The following GPC5 variants were observed in gnomAD, a reference collection of about 807,000 sequenced individuals.
GPC5 encodes glypican 5, also known as glypican-5.
A neutral mutation model predicts 53.9 loss-of-function variants in GPC5; 47 were observed. The ratio of observed to expected loss-of-function variants is 0.87; its 90% CI spans 0.69 to 1.11. GPC5 has a LOEUF of 1.11. GPC5 is among the 50% of genes most tolerant of loss of function. The probability of loss-of-function intolerance (pLI) is 0.00; values close to 1 mark genes in which losing one functional copy is unlikely to be tolerated. For synonymous variants in GPC5, 286 were observed against 263.3 expected, an observed-to-expected ratio of 1.09 and a Z score of -0.84; for missense variants, 748 against 713.1, an observed-to-expected ratio of 1.05 and a Z score of -0.56.
At chr13:92,618,278 T>C (rs1884763263) in intron 7 of GPC5, among the ~76,000 whole-genome samples, 1 of 152,126 alleles carries the variant, frequency 6.6e-6, no homozygotes, top group Admixed American at 6.6e-5. Flanking sequence ...TTTCCTACAA[T>C]TGGTTGTCAT....
intron 7 of GPC5, among the ~76,000 whole-genome samples, chr13:92,266,308 A>T (rs1343815360): frequency 6.6e-6 from 1 of 151,936 alleles, no homozygotes; most frequent in Non-Finnish European, 1.5e-5. Context: ...AGATTTTTAG[A>T]TTTTTAAATC....
intron 7 of GPC5, among the ~76,000 whole-genome samples, chr13:92,660,569 TA>T (rs1002517895): frequency 9.3e-5 from 13 of 140,476 alleles, no homozygotes; most frequent in African/African-American, 3.0e-4. Context: ...TCTTTTCACA[TA>T]TTTTTTTTTG....
chr13:92,807,783 C>G (rs1298215213), intron 7 of GPC5, among the ~76,000 whole-genome samples: 1 of 151,986 alleles, frequency 6.6e-6, no homozygotes, highest in East Asian at 1.9e-4. Flanking sequence ...TTTTAAAAGA[C>G]ACAGTGCGAC....
intron 7 of GPC5, among the ~76,000 whole-genome samples, chr13:92,357,755 T>G (rs536036474): frequency 6.6e-6 from 1 of 151,380 alleles, no homozygotes; most frequent in Non-Finnish European, 1.5e-5. Flanking sequence ...GTGCTACCCA[T>G]GTTTAGAGAA....
At chr13:91,971,356 T>C (rs996795360) in intron 6 of GPC5, among the ~76,000 whole-genome samples, 7 of 152,118 alleles carry the variant, frequency 4.6e-5, no homozygotes, top group African/African-American at 1.7e-4. Flanking sequence ...TTCTTCTCTC[T>C]TTTCTTCTTT....
intron 6 of GPC5, among the ~76,000 whole-genome samples, chr13:92,095,531 C>CTGTTTT (rs1192261121): frequency 6.6e-6 from 1 of 151,190 alleles, no homozygotes; most frequent in Non-Finnish European, 1.5e-5. Context: ...TATTTTGTTT[C>CTGTTTT]TGTTTTTGTT....
intron 6 of GPC5, among the ~76,000 whole-genome samples, chr13:92,071,247 C>G (rs1347664529): frequency 2.0e-5 from 3 of 151,890 alleles, no homozygotes; most frequent in African/African-American, 7.2e-5. Flanking sequence ...AAAAAATTGT[C>G]AATTATTTTT....
At chr13:92,545,389 T>A (rs1055906800) in intron 7 of GPC5, among the ~76,000 whole-genome samples, 4 of 152,208 alleles carry the variant, frequency 2.6e-5, no homozygotes, top group African/African-American at 9.6e-5. Flanking sequence ...TACGTGTGCA[T>A]GTGTCTTTAT....
chr13:91,461,617 C>T (rs1027038258), intron 2 of GPC5, among the ~76,000 whole-genome samples: 1 of 152,036 alleles, frequency 6.6e-6, no homozygotes, highest in Non-Finnish European at 1.5e-5. Context: ...TTTGGTGCCT[C>T]GTACATAATG....
At chr13:92,748,959 AG>A (rs1441210239) in intron 7 of GPC5, among the ~76,000 whole-genome samples, 1 of 152,200 alleles carries the variant, frequency 6.6e-6, no homozygotes, top group Non-Finnish European at 1.5e-5. Flanking sequence ...TTTAATCAAA[AG>A]AATATCAGTT....
intron 2 of GPC5, among the ~76,000 whole-genome samples, chr13:91,466,627 G>A (rs1290494246): frequency 6.6e-6 from 1 of 152,040 alleles, no homozygotes; most frequent in Non-Finnish European, 1.5e-5. Context: ...GAAAAGACAA[G>A]GAAGTGAGTT....
chr13:92,155,586 TC>T (rs2041938522), intron 7 of GPC5, among the ~76,000 whole-genome samples: 2 of 152,294 alleles, frequency 1.3e-5, no homozygotes, highest in South Asian at 4.1e-4. Context: ...TGTTGAATTT[TC>T]TTTATCTTCA....
chr13:92,517,202 C>A (rs972343328), intron 7 of GPC5, among the ~76,000 whole-genome samples: 1 of 152,172 alleles, frequency 6.6e-6, no homozygotes, highest in Non-Finnish European at 1.5e-5. Context: ...GGGCAGAGCC[C>A]ACTGCAGCTC....
intron 7 of GPC5, among the ~76,000 whole-genome samples, chr13:92,349,542 A>C (rs1276740676): frequency 2.0e-5 from 3 of 151,922 alleles, no homozygotes; most frequent in African/African-American, 7.2e-5. Flanking sequence ...ACTCAAGTAA[A>C]TAAAATCTGA....
At chr13:91,420,177 AC>A (rs1173237706) in intron 1 of GPC5, among the ~76,000 whole-genome samples, 1 of 152,008 alleles carries the variant, frequency 6.6e-6, no homozygotes, top group Non-Finnish European at 1.5e-5. Flanking sequence ...TGGCAATCCA[AC>A]CCTTTTTGTT....
At chr13:91,786,036 ACC>A (rs1413280796) in intron 5 of GPC5, among the ~76,000 whole-genome samples, 2 of 152,110 alleles carry the variant, frequency 1.3e-5, no homozygotes, top group Non-Finnish European at 2.9e-5. Context: ...TCGCTCTGTC[ACC>A]CAGGCTGGAG....
At chr13:92,031,752 T>TATATTACATATTATATATAATATATAA (rs1566403212) in intron 6 of GPC5, among the ~76,000 whole-genome samples, 77 of 43,728 alleles carry the variant, frequency 1.8e-3, no homozygotes, top group African/African-American at 4.3e-3. Flanking sequence ...ATAATATATA[T>TATATTACATATTATATATAATATATAA]TATATTACAT....
intron 6 of GPC5, among the ~76,000 whole-genome samples, chr13:92,030,072 T>G (rs1049141119): frequency 6.6e-6 from 1 of 152,150 alleles, no homozygotes; most frequent in Non-Finnish European, 1.5e-5. Context: ...CAATTAAACA[T>G]TGTATGAAAG....
chr13:92,555,471 TTAA>T, intron 7 of GPC5, among the ~76,000 whole-genome samples: 1 of 151,466 alleles, frequency 6.6e-6, no homozygotes, highest in East Asian at 1.9e-4. Flanking sequence ...AGGAAATGAC[TTAA>T]TCTTATAAAC....
Sources: gnomAD v4.1 joint callset for allele counts (sites outside exome capture counted in the v4.1 genomes callset) on GRCh38, gnomAD v4.1.1 for gene constraint, MANE v1.5 for transcripts, NCBI Gene and HGNC (gene_info 2026-07-23, HGNC 2026-07-21) for gene names.